The following GALNT7 variants were observed in gnomAD, a reference collection of about 807,000 sequenced individuals.
GALNT7 encodes the protein polypeptide N-acetylgalactosaminyltransferase 7.
GALNT7 carries 60 observed loss-of-function variants against 82.1 expected under a neutral mutation model. That is an observed-to-expected ratio of 0.73 (90% confidence interval 0.59 to 0.91). GALNT7 has a LOEUF of 0.91. GALNT7 is among the 40% of genes least tolerant of loss of function. The pLI, the probability that GALNT7 is intolerant of heterozygous loss-of-function variation, is 0.00. For missense variants in GALNT7, 660 were observed against 804.2 expected (o/e 0.82, Z 2.17); for synonymous variants, 243 against 275.1 (o/e 0.88, Z 1.15).
chr4:173,187,649 C>T (rs1732501573), intron 1 of GALNT7, among the ~76,000 whole-genome samples: 1 of 152,204 alleles, frequency 6.6e-6, no homozygotes, highest in Non-Finnish European at 1.5e-5. Context: ...TTTACCCCAA[C>T]ATAGTTCATA....
chr4:173,168,834 A>C lies in GALNT7; in HGVS notation c.-2A>C. The C allele has an allele frequency of 6.2e-7, 1 of 1,612,180 alleles. No individual in the cohort carries two copies. Among genetic ancestry groups the C allele is most frequent in the East Asian group, 2.2e-5 (1 of 44,736 alleles). ...CTGTGAGTCTCTCGCCGCCGGAGGA[A>C]GATGAGGCTGAAGATTGGGTTCATC... On this transcript the variant is annotated 5_prime_UTR_variant, in exon 1 of 12. Transcript: ENST00000265000.
chr4:173,317,759 G>A (rs765786337), intron 10 of GALNT7, 27 bp downstream of exon 10: 3 of 1,415,994 alleles, frequency 2.1e-6, no homozygotes, highest in Non-Finnish European at 3.0e-6. Flanking sequence ...TTGTGTTTAA[G>A]TTGTTCCGTA....
chr4:173,187,383 G>GAAA, intron 1 of GALNT7, among the ~76,000 whole-genome samples: 1 of 100,958 alleles, frequency 9.9e-6, no homozygotes, highest in African/African-American at 3.7e-5. Flanking sequence ...GAGGACATTA[G>GAAA]AAAAAAAAAA....
intron 1 of GALNT7, among the ~76,000 whole-genome samples, chr4:173,180,839 A>G (rs529334163): frequency 9.2e-5 from 14 of 152,280 alleles, no homozygotes; most frequent in African/African-American, 3.4e-4. Flanking sequence ...TTATTAGACA[A>G]TTTGATCATT....
At chr4:173,174,160 C>T (rs1407050181) in intron 1 of GALNT7, among the ~76,000 whole-genome samples, 1 of 152,052 alleles carries the variant, frequency 6.6e-6, no homozygotes, top group African/African-American at 2.4e-5. Context: ...CCCCTTCTCC[C>T]CCCACACATA....
intron 1 of GALNT7, among the ~76,000 whole-genome samples, chr4:173,182,486 C>A (rs141405671): frequency 0.012 from 1,850 of 152,186 alleles, 25 homozygotes; most frequent in South Asian, 0.025. Context: ...TTGAGTGATT[C>A]ATTGGTCAGT....
chr4:173,284,913 G>A (rs1296045065), intron 2 of GALNT7, among the ~76,000 whole-genome samples: 2 of 151,822 alleles, frequency 1.3e-5, no homozygotes, highest in African/African-American at 2.4e-5. Context: ...TTTTTTGTAT[G>A]GTTATTTTAT....
At chr4:173,280,488 C>T (rs1280215856) in intron 2 of GALNT7, among the ~76,000 whole-genome samples, 2 of 152,176 alleles carry the variant, frequency 1.3e-5, no homozygotes, top group Non-Finnish European at 2.9e-5. Flanking sequence ...ATGCCAAGCA[C>T]CTGACCCAGA....
intron 1 of GALNT7, among the ~76,000 whole-genome samples, chr4:173,182,817 T>TAC (rs66792322): frequency 0.47 from 63,634 of 134,548 alleles, 15,057 homozygotes; most frequent in East Asian, 0.69. Flanking sequence ...TTACTCATAA[T>TAC]ACACACACAC....
intron 1 of GALNT7, among the ~76,000 whole-genome samples, chr4:173,193,317 C>T: frequency 6.6e-6 from 1 of 152,144 alleles, no homozygotes; most frequent in East Asian, 1.9e-4. Context: ...GAGTAACATA[C>T]ACTCCTTACA....
intron 4 of GALNT7, 95 bp from the exon 5 acceptor site, chr4:173,295,669 A>G (rs1736695656): frequency 5.3e-6 from 6 of 1,129,066 alleles, no homozygotes; most frequent in Admixed American, 1.8e-5. Flanking sequence ...ATTGACTATA[A>G]TGCTAATTTT....
chr4:173,206,552 T>C (rs534326856), intron 1 of GALNT7, among the ~76,000 whole-genome samples: 2 of 152,334 alleles, frequency 1.3e-5, no homozygotes, highest in Admixed American at 6.5e-5. Flanking sequence ...AACTATTTAG[T>C]AGAGCCAAGG....
intron 1 of GALNT7, among the ~76,000 whole-genome samples, chr4:173,198,013 A>G (rs541147981): frequency 2.0e-5 from 3 of 151,812 alleles, no homozygotes; most frequent in South Asian, 2.1e-4. Context: ...CTGCATTTCA[A>G]CCCCTGCAAG....
At chr4:173,269,696 T>C (rs1170840924) in intron 2 of GALNT7, among the ~76,000 whole-genome samples, 1 of 152,210 alleles carries the variant, frequency 6.6e-6, no homozygotes, top group South Asian at 2.1e-4. Context: ...TTTTCAGGAA[T>C]ACTTAATAAT....
intron 1 of GALNT7, among the ~76,000 whole-genome samples, chr4:173,243,828 G>A (rs188029317): frequency 7.9e-5 from 12 of 151,972 alleles, no homozygotes; most frequent in African/African-American, 2.4e-4. Flanking sequence ...TTGCCAGTAC[G>A]GGTCTATCTG....
intron 8 of GALNT7, among the ~76,000 whole-genome samples, chr4:173,307,226 G>A (rs993533145): frequency 2.6e-5 from 4 of 152,240 alleles, no homozygotes; most frequent in South Asian, 2.1e-4. Context: ...CACTTGCAGC[G>A]GCAGTGGCCC....
In GALNT7 at chr4:173,298,192, A is replaced by C. The variant is rs749515820; in HGVS notation, c.1043A>C (p.Glu348Ala). 8 of 1,613,962 alleles carry C rather than the reference A, an allele frequency of 5.0e-6. No individual in the cohort carries two copies. Among genetic ancestry groups the C allele is most frequent in the Non-Finnish European group, 6.8e-6 (8 of 1,179,826 alleles). Residue 348 changes from glutamate to alanine, a missense_variant, in exon 6 of 12, where the codon GAA (glutamate) becomes GCA (alanine). Glu to Ala is a moderately radical substitution (Grantham distance 107, BLOSUM62 -1). Coordinates refer to ENST00000265000, the MANE Select transcript of GALNT7 (RefSeq NM_017423.3). ...ATTATACCCCAAGGGGGTGGTGATG[A>C]AGATGGGTATGCCCGAGGAGCATGG... ...YEIIPQGGGD[E>A]DGYARGAWDW...
chr4:173,321,506 G>A (rs909627892), intron 11 of GALNT7, 74 bp from the exon 12 acceptor site: 2 of 1,036,314 alleles, frequency 1.9e-6, no homozygotes, highest in African/African-American at 3.2e-5. Context: ...CCTCATGAAA[G>A]TCAAGTGATG....
Position 173,314,073 on chromosome 4 carries a change from GAGA to G in GALNT7, c.1509_1511del (p.Glu503del). 6.2e-7 allele frequency: 1 copy of G among 1,613,250 alleles called. No homozygotes were observed. Among genetic ancestry groups the G allele is most frequent in the Non-Finnish European group, 8.5e-7 (1 of 1,179,366 alleles). ...GATATATCGGAGCTGAAAAAATTTCGAGAAGATCACAACTGCAAAAGTTTTAAG... is the reference window on the plus strand; with the variant it reads ...GATATATCGGAGCTGAAAAAATTTCGAGATCACAACTGCAAAAGTTTTAAG... On this transcript the variant is annotated inframe_deletion, in exon 9 of 12. Coordinates refer to ENST00000265000, the MANE Select transcript of GALNT7 (RefSeq NM_017423.3).
Sources: gnomAD v4.1 joint callset for allele counts (sites outside exome capture counted in the v4.1 genomes callset) on GRCh38, gnomAD v4.1.1 for gene constraint, MANE v1.5 for transcripts, NCBI Gene and HGNC (gene_info 2026-07-23, HGNC 2026-07-21) for gene names.